Variants in TESK1 observed in about 807,000 individuals in gnomAD.
The protein encoded by TESK1 is dual specificity testis-specific protein kinase 1.
A neutral mutation model predicts 59.9 loss-of-function variants in TESK1; 18 were observed. The ratio of observed to expected loss-of-function variants is 0.30; its 90% confidence interval spans 0.21 to 0.45. The LOEUF (loss-of-function observed/expected upper bound fraction) is 0.45. Ranked by LOEUF, TESK1 falls within the 20% of genes least tolerant of loss-of-function variation. The probability of loss-of-function intolerance (pLI) is 1.00; values close to 1 mark genes in which losing one functional copy is unlikely to be tolerated. For missense variants in TESK1, 748 were observed against 840.9 expected, an observed-to-expected ratio of 0.89 and a Z score of 1.37; for synonymous variants, 341 against 357.4, an observed-to-expected ratio of 0.95 and a Z score of 0.52.
At position 35,609,381 on chromosome 9, in the gene TESK1, C is replaced by T. The variant is rs777777413; in HGVS notation, c.1520C>T (p.Ser507Phe). 1.0e-4 allele frequency: 166 copies of T among 1,611,250 alleles called. No homozygotes were observed. Among genetic ancestry groups the T allele is most frequent in the Non-Finnish European group, 2.1e-5 (25 of 1,178,736 alleles). Residue 507 changes from serine to phenylalanine, a missense_variant, in exon 10 of 10, where the codon TCC becomes TTC. Around this residue, in one of 3 missense-constraint regions of TESK1, gnomAD observed 447 missense variants for 466.1 expected, o/e 0.96. Transcript: ENST00000336395. This position sits in a 1 kb window ranked among gnomAD's most constrained non-coding sequence, Gnocchi z 6.7. ...STCSSASQPW[S>F]PRSGPVLNNN... The stretch of plus-strand genomic sequence containing the variant: ...TGTTCCTCGGCCTCCCAACCCTGGT[C>T]CCCTAGATCAGGACCCGTCCTCAAT...
Position 35,607,064 on chromosome 9 carries a change from G to A in TESK1, c.537+81G>A. 1 of 1,464,070 alleles carries A rather than the reference G, an allele frequency of 6.8e-7. No homozygotes were observed. Among genetic ancestry groups the A allele is most frequent in the Non-Finnish European group, 9.1e-7 (1 of 1,097,316 alleles). The allele number at this position is 1,464,070 out of a possible 1,614,324, so 90.7% of individuals were successfully genotyped here. A position where few individuals can be genotyped will look rare whatever the true frequency, so the allele number is the denominator to read the frequency against. On this transcript the variant is annotated intron_variant, in intron 4 of 9. Transcript: ENST00000336395. The surrounding 1 kb of genome is among the most constrained non-coding windows in gnomAD (Gnocchi z 4.5). The stretch of plus-strand genomic sequence containing the variant: ...AACTGGCCTGTGGATGTTGGAATAT[G>A]GATAACAGATATATTAGGATGTTGG...
In TESK1 at chr9:35,609,595, T is replaced by G. The variant is rs771812530; in HGVS notation, c.1734T>G (p.Phe578Leu). Reference sequence around the variant, plus strand: ...GCTGCTGCCTCGGCCCCTTCAGCTTTGGCTTCCTGTCCATGTGCCCCCGCC... The same window carrying G: ...GCTGCTGCCTCGGCCCCTTCAGCTTGGGCTTCCTGTCCATGTGCCCCCGCC... ...CPGCCLGPFSFGFLSMCPRPT... is the reference protein window; with the variant it reads ...CPGCCLGPFSLGFLSMCPRPT... The change falls in exon 10 of 10, where the codon TTT becomes TTG. Residue 578 changes from phenylalanine to leucine, a missense_variant. By Grantham distance (22) the Phe-to-Leu change is conservative. This residue lies in a region of TESK1 where 447 missense variants were observed against 466.1 expected (regional missense o/e 0.96). Transcript: ENST00000336395. The surrounding 1 kb of genome is among the most constrained non-coding windows in gnomAD (Gnocchi z 6.7). The G allele has an allele frequency of 6.2e-7, 1 of 1,613,064 alleles. No homozygotes were observed. The highest frequency in any genetic ancestry group is 1.1e-5 in the South Asian group (1 of 91,090).
In TESK1 at chr9:35,609,198, G is replaced by T; in HGVS notation, c.1337G>T (p.Arg446Leu). 6.2e-7 allele frequency: 1 copy of T among 1,613,712 alleles called. No homozygotes were observed. Residue 446 changes from arginine (R) to leucine (L), a missense_variant, in exon 10 of 10, where the codon CGC (arginine) becomes CTC (leucine). By Grantham distance (102) the Arg-to-Leu change is moderately radical. Transcript: ENST00000336395. The surrounding 1 kb of genome is among the most constrained non-coding windows in gnomAD (Gnocchi z 6.7). The stretch of plus-strand genomic sequence containing the variant: ...CTACCCTCATCCCCCGAGCTCCCCC[G>T]CCGTATGGAGACAGCACTGCCAGGT... The part of the protein sequence containing the change: ...RSLPSSPELP[R>L]RMETALPGPG...
At position 35,605,530 on chromosome 9, in the gene TESK1, T is replaced by G; in HGVS notation, c.-90T>G. On this transcript the variant is annotated 5_prime_UTR_variant, in exon 1 of 10. Coordinates refer to ENST00000336395, the MANE Select transcript of TESK1 (RefSeq NM_006285.3). ...GGAGCCGGAGTCCGGGCGCCCGGGA[T>G]CGGGCTGGGCCCGCGCCCATGGCAA... 3.2e-6 allele frequency: 1 copy of G among 314,570 alleles called. No individual in the cohort carries two copies. Among genetic ancestry groups the G allele is most frequent in the Non-Finnish European group, 5.5e-6 (1 of 183,238 alleles). The allele number at this position is 314,570 out of a possible 1,614,324, so 19.5% of individuals were successfully genotyped here. A position where few individuals can be genotyped will look rare whatever the true frequency, so the allele number is the denominator to read the frequency against.
rs748347462 is a variant in TESK1, at chr9:35,609,234, C to T, written c.1373C>T (p.Pro458Leu). The T allele has an allele frequency of 6.2e-7, 1 of 1,614,122 alleles. No homozygotes were observed. The highest frequency in any genetic ancestry group is 1.1e-5 in the South Asian group (1 of 91,088). ...ACAGCACTGCCAGGTCCTGGCCCTC[C>T]CGCTGTGGGCCCCTCGGCTGAAGAG... is the stretch of plus-strand genomic sequence containing the variant. ...METALPGPGPPAVGPSAEEKM... is the reference protein window; with the variant it reads ...METALPGPGPLAVGPSAEEKM... Residue 458 changes from proline to leucine, a missense_variant, in exon 10 of 10, where the codon CCC becomes CTC. Around this residue, in one of 3 missense-constraint regions of TESK1, gnomAD observed 447 missense variants for 466.1 expected, o/e 0.96. Coordinates refer to ENST00000336395, the MANE Select transcript of TESK1 (RefSeq NM_006285.3). The surrounding 1 kb of genome is among the most constrained non-coding windows in gnomAD (Gnocchi z 6.7).
At position 35,606,277 on chromosome 9, in the gene TESK1, C is replaced by G. The variant is rs1822847328; in HGVS notation, c.382C>G (p.Leu128Val). The G allele has an allele frequency of 1.2e-6, 2 of 1,613,912 alleles. No homozygotes were observed. The highest frequency in any genetic ancestry group is 1.7e-6 in the Non-Finnish European group (2 of 1,180,020). The part of the protein sequence containing the change: ...VCVHQGQLHA[L>V]TEYMNGGTLE... The stretch of plus-strand genomic sequence containing the variant: ...TGTGCACCAGGGACAGCTGCACGCT[C>G]TTACAGAGGTGAGGATAGGCCAGGA... Residue 128 changes from leucine to valine, a missense_variant, in exon 3 of 10, where the codon CTT (leucine) becomes GTT (valine). Physicochemically the swap from Leu to Val is conservative, Grantham distance 32. Coordinates refer to ENST00000336395, the MANE Select transcript of TESK1 (RefSeq NM_006285.3).
intron 3 of TESK1, among the ~76,000 whole-genome samples, chr9:35,606,515 C>G (rs549583968): frequency 1.3e-5 from 2 of 152,278 alleles, no homozygotes; most frequent in East Asian, 3.9e-4. Context: ...TCTTCAGTGA[C>G]GGAAATGTTC....
Position 35,608,025 on chromosome 9 carries a change from G to T in TESK1, c.795+14G>T, listed in dbSNP as rs1325583142. The T allele has an allele frequency of 1.2e-6, 2 of 1,613,842 alleles. No individual in the cohort carries two copies. Among genetic ancestry groups the T allele is most frequent in the African/African-American group, 2.7e-5 (2 of 74,922 alleles). Reference sequence around the variant, plus strand: ...CCACGCACTGAGGTGAATGTTTCTAGGTTTGCAAAGAAAGAATTCCAGACT... The same window carrying T: ...CCACGCACTGAGGTGAATGTTTCTATGTTTGCAAAGAAAGAATTCCAGACT... On this transcript the variant is annotated intron_variant, in intron 7 of 9. Coordinates refer to ENST00000336395, the MANE Select transcript of TESK1 (RefSeq NM_006285.3).
At position 35,607,477 on chromosome 9, in the gene TESK1, A is replaced by C. The variant is rs1053450810; in HGVS notation, c.620+68A>C. 2 of 1,597,688 alleles carry C rather than the reference A, an allele frequency of 1.3e-6. No homozygotes were observed. Among genetic ancestry groups the C allele is most frequent in the East Asian group, 2.2e-5 (1 of 44,774 alleles). ...CCCTATCTGATGTCCCCAGAGCCCC[A>C]GGGATGTTTCCCTTGGGGAACGGAG... On this transcript the variant is annotated intron_variant, in intron 5 of 9. Coordinates refer to ENST00000336395, the MANE Select transcript of TESK1 (RefSeq NM_006285.3). This position sits in a 1 kb window ranked among gnomAD's most constrained non-coding sequence, Gnocchi z 4.5.
chr9:35,609,267 A>G lies in TESK1; in HGVS notation c.1406A>G (p.Glu469Gly). 1 of 1,614,066 alleles carries G rather than the reference A, an allele frequency of 6.2e-7. No homozygotes were observed. Among genetic ancestry groups the G allele is most frequent in the Non-Finnish European group, 8.5e-7 (1 of 1,179,996 alleles). ...GGCCCCTCGGCTGAAGAGAAGATGG[A>G]GTGCGAGGGCAGCAGCCCTGAGCCG... ...AVGPSAEEKM[E>G]CEGSSPEPEP... The change falls in exon 10 of 10, where the codon GAG becomes GGG. Residue 469 changes from glutamate (E) to glycine (G), a missense_variant. Around this residue, in one of 3 missense-constraint regions of TESK1, gnomAD observed 447 missense variants for 466.1 expected, o/e 0.96. Coordinates refer to ENST00000336395, the MANE Select transcript of TESK1 (RefSeq NM_006285.3). The surrounding 1 kb of genome is among the most constrained non-coding windows in gnomAD (Gnocchi z 6.7).
chr9:35,607,075 A>C lies in TESK1; in HGVS notation c.537+92A>C. The C allele has an allele frequency of 6.9e-7, 1 of 1,455,670 alleles. No individual in the cohort carries two copies. The highest frequency in any genetic ancestry group is 9.2e-7 in the Non-Finnish European group (1 of 1,092,692). The allele number at this position is 1,455,670 out of a possible 1,614,324, so 90.2% of individuals were successfully genotyped here. On this transcript the variant is annotated intron_variant, in intron 4 of 9. Coordinates refer to ENST00000336395, the MANE Select transcript of TESK1 (RefSeq NM_006285.3). The surrounding 1 kb of genome is among the most constrained non-coding windows in gnomAD (Gnocchi z 4.5). The stretch of plus-strand genomic sequence containing the variant: ...GGATGTTGGAATATGGATAACAGAT[A>C]TATTAGGATGTTGGAGTGGCAAGGC...
At position 35,609,250 on chromosome 9, in the gene TESK1, G is replaced by A. The variant is rs537370176; in HGVS notation, c.1389G>A (p.Ser463=). ...CTGGCCCTCCCGCTGTGGGCCCCTC[G>A]GCTGAAGAGAAGATGGAGTGCGAGG... The part of the protein sequence containing the change: ...PGPGPPAVGP[S]AEEKMECEGS... The change falls in exon 10 of 10, where the codon TCG becomes TCA. Residue 463 remains serine, a synonymous_variant. Coordinates refer to ENST00000336395, the MANE Select transcript of TESK1 (RefSeq NM_006285.3). This position sits in a 1 kb window ranked among gnomAD's most constrained non-coding sequence, Gnocchi z 6.7. 8.1e-6 allele frequency: 13 copies of A among 1,614,110 alleles called. No homozygotes were observed. Among genetic ancestry groups the A allele is most frequent in the South Asian group, 4.4e-5 (4 of 91,084 alleles).
intron 3 of TESK1, 22 bp downstream of exon 3, chr9:35,606,307 G>A: frequency 6.2e-7 from 1 of 1,613,340 alleles, no homozygotes; most frequent in Non-Finnish European, 8.5e-7. Context: ...CCAGGAAGGA[G>A]GGATCCCCAC....
rs765368705 is a variant in TESK1 at position 35,609,543 on chromosome 9, A to T, written c.1682A>T (p.Glu561Val). The T allele has an allele frequency of 1.2e-6, 2 of 1,612,800 alleles. No individual in the cohort carries two copies. The highest frequency in any genetic ancestry group is 1.7e-6 in the Non-Finnish European group (2 of 1,179,390). Residue 561 changes from glutamate (E) to valine (V), a missense_variant, in exon 10 of 10, where the codon GAG (glutamate) becomes GTG (valine). Transcript: ENST00000336395. This position sits in a 1 kb window ranked among gnomAD's most constrained non-coding sequence, Gnocchi z 6.7. Reference sequence around the variant, plus strand: ...TCGCCACCCCCTTCAGCTCCCCGGGAGCCCGATGAGGGGCTGCCCTGTCCT... The same window carrying T: ...TCGCCACCCCCTTCAGCTCCCCGGGTGCCCGATGAGGGGCTGCCCTGTCCT... ...EPSPPPSAPR[E>V]PDEGLPCPGC...
In TESK1 at chr9:35,609,734, C is replaced by A; in HGVS notation, c.1873C>A (p.Arg625Ser). The change falls in exon 10 of 10, where the codon CGC (arginine) becomes AGC (serine). Residue 625 changes from arginine to serine, a missense_variant. Physicochemically the swap from Arg to Ser is moderately radical, Grantham distance 110. Transcript: ENST00000336395. This position sits in a 1 kb window ranked among gnomAD's most constrained non-coding sequence, Gnocchi z 6.7. ...PTPSLQLPGA[R>S]S ...ACCCAGCCTGCAGCTGCCTGGGGCA[C>A]GCTCTTAGCAGTGGAGCCCGTGGTC... is the stretch of plus-strand genomic sequence containing the variant. 1 of 1,590,780 alleles carries A rather than the reference C, an allele frequency of 6.3e-7. No individual in the cohort carries two copies. Among genetic ancestry groups the A allele is most frequent in the Non-Finnish European group, 8.5e-7 (1 of 1,175,144 alleles).
chr9:35,606,313 C>A (rs776357701), intron 3 of TESK1, 28 bp downstream of exon 3: 2 of 1,612,812 alleles, frequency 1.2e-6, no homozygotes, highest in South Asian at 1.1e-5. Context: ...AGGAGGGATC[C>A]CCACCCCCCT....
rs757382571 is a variant in TESK1 at position 35,609,485 on chromosome 9, C to T, written c.1624C>T (p.Pro542Ser). ...CTGGAACCGGGCCCAGCATAGCCTG[C>T]CCCGGGCGGCAGCCCTGGAGCGGAC... is the stretch of plus-strand genomic sequence containing the variant. ...EPWNRAQHSLPRAAALERTEP... is the reference protein window; with the variant it reads ...EPWNRAQHSLSRAAALERTEP... The change falls in exon 10 of 10, where the codon CCC (proline) becomes TCC (serine). Residue 542 changes from proline (P) to serine (S), a missense_variant. Physicochemically the swap from Pro to Ser is moderately conservative, Grantham distance 74 (BLOSUM62 -1). Coordinates refer to ENST00000336395, the MANE Select transcript of TESK1 (RefSeq NM_006285.3). This position sits in a 1 kb window ranked among gnomAD's most constrained non-coding sequence, Gnocchi z 6.7. 6.9e-6 allele frequency: 11 copies of T among 1,604,164 alleles called. No homozygotes were observed. Among genetic ancestry groups the T allele is most frequent in the Non-Finnish European group, 3.4e-6 (4 of 1,174,588 alleles).
At chr9:35,608,303 A>C in intron 8 of TESK1, 54 bp downstream of exon 8, 1 of 1,610,380 alleles carries the variant, frequency 6.2e-7, no homozygotes, top group Middle Eastern at 1.7e-4. Flanking sequence ...GTAAGCTGCC[A>C]TGGCTGCCCT....
Position 35,608,157 on chromosome 9 carries a change from C to A in TESK1, c.796-3C>A, listed in dbSNP as rs374809971. The stretch of plus-strand genomic sequence containing the variant: ...TTGGAGGTCCCTCCTTCTGTCCCCA[C>A]AGGACTTTGGCCTGGATGTGCCTGC... On this transcript the variant is annotated splice_polypyrimidine_tract_variant and splice_region_variant and intron_variant, in intron 7 of 9. Transcript: ENST00000336395. The A allele has an allele frequency of 6.8e-6, 11 of 1,613,972 alleles. No individual in the cohort carries two copies. Among genetic ancestry groups the A allele is most frequent in the Non-Finnish European group, 6.8e-6 (8 of 1,179,958 alleles).
Sources: gnomAD v4.1 joint callset for allele counts (sites outside exome capture counted in the v4.1 genomes callset) on GRCh38, gnomAD v4.1.1 for gene constraint, gnomAD v4.1.1 regional missense constraint, Gnocchi (gnomAD v3.1) non-coding constraint, MANE v1.5 for transcripts, NCBI Gene and HGNC (gene_info 2026-07-23, HGNC 2026-07-21) for gene names.